FARS2: variants seen among roughly 807,000 people sequenced by gnomAD.
FARS2 encodes phenylalanyl-tRNA synthetase 2, mitochondrial.
In FARS2, 40 loss-of-function variants were observed where a neutral mutation model predicts 46.4. The observed-to-expected ratio is 0.86, with a 90% confidence interval of 0.67 to 1.12. The LOEUF (loss-of-function observed/expected upper bound fraction) is 1.12, where lower values mean the gene tolerates loss of function less well. Ranked by LOEUF, FARS2 falls within the 50% of genes most tolerant of loss-of-function variation. The pLI is 0.00. For synonymous variants in FARS2, 234 were observed against 214.9 expected (o/e 1.09, Z -0.78); for missense variants, 513 against 567.9 (o/e 0.90, Z 0.98).
At chr6:5,701,903 G>A (rs1344823477) in intron 6 of FARS2, among the ~76,000 whole-genome samples, 2 of 152,010 alleles carry the variant, frequency 1.3e-5, no homozygotes, top group African/African-American at 2.4e-5. Flanking sequence ...TAACATATAC[G>A]GTAAATATTA....
intron 6 of FARS2, among the ~76,000 whole-genome samples, chr6:5,709,821 C>A (rs1759027716): frequency 2.0e-5 from 3 of 152,012 alleles, no homozygotes; most frequent in Admixed American, 2.0e-4. Context: ...GGCCCGGGGG[C>A]ATTCCCAGCC....
intron 2 of FARS2, among the ~76,000 whole-genome samples, chr6:5,401,211 T>C (rs1167901515): frequency 1.3e-5 from 2 of 152,144 alleles, no homozygotes; most frequent in African/African-American, 4.8e-5. Context: ...TGTGGTGTTA[T>C]ATATGTCATA....
chr6:5,266,492 C>T lies in FARS2; in HGVS notation c.-22+4832C>T, dbSNP rs753142742. On this transcript the variant is annotated intron_variant, in intron 1 of 6. Transcript: ENST00000274680. ...GCCAGCCTGGGTAACATAGCGAGAC[C>T]CCATCTCAATAAAATAGAATAAAAA... is the stretch of plus-strand genomic sequence containing the variant. Among the ~76,000 whole-genome samples the T allele has an allele frequency of 1.1e-3, 160 of 151,922 alleles. 1 individual carries two copies. Among genetic ancestry groups the T allele is most frequent in the Middle Eastern group, 0.01 (3 of 294 alleles).
intron 4 of FARS2, among the ~76,000 whole-genome samples, chr6:5,499,787 A>G (rs1767682117): frequency 6.6e-6 from 1 of 152,180 alleles, no homozygotes. Flanking sequence ...AATATCTTTG[A>G]TGAGATCATA....
rs556739265 is a variant in FARS2 at position 5,558,743 on chromosome 6, G to T, written c.1065+13403G>T. Among the ~76,000 whole-genome samples the T allele has an allele frequency of 1.4e-4, 21 of 151,940 alleles. No homozygotes were observed. In the South Asian group the frequency reaches 4.4e-3, roughly 32 times the overall value. ...ATTTTTTGTATTTTTAGTAGAGATG[G>T]GGTTTCACCATGTTAGCCAGGATGG... On this transcript the variant is annotated intron_variant, in intron 5 of 6. Transcript: ENST00000274680.
chr6:5,633,261 G>GTT (rs1201688915), intron 6 of FARS2, among the ~76,000 whole-genome samples: 1 of 106,802 alleles, frequency 9.4e-6, no homozygotes, highest in Non-Finnish European at 1.8e-5. Flanking sequence ...ACCATCCCTG[G>GTT]CTTTTTTTTT....
intron 6 of FARS2, among the ~76,000 whole-genome samples, chr6:5,644,141 A>G (rs1292026414): frequency 6.6e-6 from 1 of 152,160 alleles, no homozygotes; most frequent in Non-Finnish European, 1.5e-5. Flanking sequence ...CCACCTAGCC[A>G]TAGCGCAGCC....
At chr6:5,256,351 G>T (rs771156234), upstream of FARS2, among the ~76,000 whole-genome samples, 1 of 151,674 alleles carries the variant, frequency 6.6e-6, no homozygotes, top group Non-Finnish European at 1.5e-5. Flanking sequence ...TTAGCCAGGC[G>T]TAGTGGCAGG....
intron 5 of FARS2, among the ~76,000 whole-genome samples, chr6:5,557,559 C>G (rs1771733793): frequency 6.6e-6 from 1 of 152,094 alleles, no homozygotes; most frequent in African/African-American, 2.4e-5. Context: ...AAAGCTTATG[C>G]TTTTGCATTA....
At chr6:5,716,309 C>CTAG (rs2150910856) in intron 6 of FARS2, among the ~76,000 whole-genome samples, 1 of 152,228 alleles carries the variant, frequency 6.6e-6, no homozygotes, top group South Asian at 2.1e-4. Flanking sequence ...TTGGTTTAAT[C>CTAG]TAGATCCAAA....
chr6:5,637,048 G>A (rs528461205), intron 6 of FARS2, among the ~76,000 whole-genome samples: 5 of 152,362 alleles, frequency 3.3e-5, no homozygotes, highest in African/African-American at 7.2e-5. Context: ...CTCAGTTGAA[G>A]GGGGCTTTAG....
intron 4 of FARS2, among the ~76,000 whole-genome samples, chr6:5,438,158 T>C (rs1763631190): frequency 6.6e-6 from 1 of 151,798 alleles, no homozygotes; most frequent in African/African-American, 2.4e-5. Flanking sequence ...TAAATACTAG[T>C]ATCTTTCCTT....
chr6:5,298,092 C>T (rs1408901082), intron 1 of FARS2, among the ~76,000 whole-genome samples: 1 of 152,234 alleles, frequency 6.6e-6, no homozygotes, highest in Non-Finnish European at 1.5e-5. Flanking sequence ...AAGAAACTTA[C>T]ACATTTCTCT....
intron 4 of FARS2, among the ~76,000 whole-genome samples, chr6:5,440,228 TTG>T (rs1190742149): frequency 1.3e-5 from 2 of 152,194 alleles, no homozygotes; most frequent in African/African-American, 2.4e-5. Context: ...ATATTTATAA[TTG>T]TCAGATATAC....
intron 4 of FARS2, among the ~76,000 whole-genome samples, chr6:5,490,004 A>G (rs1767005167): frequency 6.6e-6 from 1 of 152,188 alleles, no homozygotes; most frequent in Admixed American, 6.5e-5. Flanking sequence ...ATATCAAGAT[A>G]CAGAGAGTTC....
chr6:5,305,845 A>T (rs1350308211), intron 1 of FARS2, among the ~76,000 whole-genome samples: 2 of 152,122 alleles, frequency 1.3e-5, no homozygotes, highest in East Asian at 3.9e-4. Flanking sequence ...ATGAGTTTAG[A>T]GATTGTGGCC....
intron 5 of FARS2, among the ~76,000 whole-genome samples, chr6:5,611,398 G>A (rs1013632007): frequency 6.6e-6 from 1 of 152,104 alleles, no homozygotes; most frequent in Non-Finnish European, 1.5e-5. Context: ...GGGGCAGTGG[G>A]GAGCCACAGG....
chr6:5,520,377 T>C (rs1206674445), intron 4 of FARS2, among the ~76,000 whole-genome samples: 1 of 152,238 alleles, frequency 6.6e-6, no homozygotes, highest in Non-Finnish European at 1.5e-5. Context: ...AGGAAAGTGC[T>C]TGTGTCTTGC....
the FARS2 span, among the ~76,000 whole-genome samples, chr6:5,253,746 A>G: frequency 6.6e-6 from 1 of 152,056 alleles, no homozygotes; most frequent in Non-Finnish European, 1.5e-5. Context: ...GTTGCCAAAG[A>G]ACTCAATGTT....
Sources: allele counts gnomAD v4.1 joint callset (sites outside exome capture counted in the v4.1 genomes callset), GRCh38; gene constraint gnomAD v4.1.1; transcripts MANE v1.5; gene names NCBI Gene and HGNC (gene_info 2026-07-23, HGNC 2026-07-21).